The following LHFPL2 variants were observed in gnomAD, a reference collection of about 807,000 sequenced individuals.
LHFPL2 encodes the protein LHFPL tetraspan subfamily member 2.
In LHFPL2, 7 loss-of-function variants were observed where a neutral mutation model predicts 17.5. The ratio of observed to expected loss-of-function variants is 0.40; its 90% confidence interval spans 0.23 to 0.75. The LOEUF (loss-of-function observed/expected upper bound fraction) is 0.75, where lower values mean the gene tolerates loss of function less well. Among genes scored for constraint, LHFPL2 ranks in the 30% least tolerant of loss-of-function variants. The pLI is 0.37. For synonymous variants in LHFPL2, 134 were observed against 116.2 expected (o/e 1.15, Z -0.99); for missense variants, 241 against 294.8 (o/e 0.82, Z 1.34).
intron 4 of LHFPL2, among the ~76,000 whole-genome samples, chr5:78,501,348 G>C (rs1179164095): frequency 6.6e-6 from 1 of 152,152 alleles, no homozygotes; most frequent in Non-Finnish European, 1.5e-5. Flanking sequence ...CCTTGATTTT[G>C]CCGTGAAATG....
At chr5:78,570,910 T>C (rs1460425675) in intron 2 of LHFPL2, among the ~76,000 whole-genome samples, 1 of 150,968 alleles carries the variant, frequency 6.6e-6, no homozygotes, top group Non-Finnish European at 1.5e-5. Flanking sequence ...TTCTTAGTGG[T>C]CTGCATTCCA....
chr5:78,556,863 G>C (rs1235908904), intron 3 of LHFPL2, among the ~76,000 whole-genome samples: 1 of 152,172 alleles, frequency 6.6e-6, no homozygotes, highest in East Asian at 1.9e-4. Flanking sequence ...ACCCCTAAGG[G>C]AACTGATTTT....
At chr5:78,633,849 T>C (rs1745334616) in intron 1 of LHFPL2, among the ~76,000 whole-genome samples, 1 of 152,122 alleles carries the variant, frequency 6.6e-6, no homozygotes, top group African/African-American at 2.4e-5. Flanking sequence ...AGAGAATGCA[T>C]GCTTCTCCTT....
chr5:78,646,229 C>T (rs1432641117), intron 1 of LHFPL2, among the ~76,000 whole-genome samples: 1 of 152,220 alleles, frequency 6.6e-6, no homozygotes, highest in Non-Finnish European at 1.5e-5. Context: ...AAGGATGCAG[C>T]TTGCAAGTTC....
chr5:78,616,094 A>C (rs1744590898), intron 2 of LHFPL2, among the ~76,000 whole-genome samples: 1 of 148,842 alleles, frequency 6.7e-6, no homozygotes, highest in South Asian at 2.2e-4. Flanking sequence ...TTGGCAATCC[A>C]ACCTCTTTTC....
rs370809060 is a variant in LHFPL2, at chr5:78,490,746, C to CAAAAAAAAAAAAAA, written c.431-1607_431-1594dup. Among the ~76,000 whole-genome samples, 42 of 92,124 alleles carry CAAAAAAAAAAAAAA rather than the reference C, an allele frequency of 4.6e-4. 1 individual carries two copies. The highest frequency in any genetic ancestry group is 1.7e-3 in the African/African-American group (35 of 20,598). The allele number at this position is 92,124 out of a possible 152,430, so 60.4% of individuals were successfully genotyped here. A position where few individuals can be genotyped will look rare whatever the true frequency, so the allele number is the denominator to read the frequency against. On this transcript the variant is annotated intron_variant, in intron 4 of 4. Coordinates refer to ENST00000380345, the MANE Select transcript of LHFPL2 (RefSeq NM_005779.3). ...CTGGCAAAAGAGTGAGACTCCCTCT[C>CAAAAAAAAAAAAAA]AAAAAAAAAAAAAAAAAAGCAAGAT...
At chr5:78,590,229 C>CAACAAAT (rs1743580215) in intron 2 of LHFPL2, 1 of 107,968 alleles carries the variant, frequency 9.3e-6, no homozygotes, top group Non-Finnish European at 2.2e-5. Context: ...CAACAACAAA[C>CAACAAAT]GGGCAACAGT....
intron 2 of LHFPL2, among the ~76,000 whole-genome samples, chr5:78,580,918 ATC>A (rs1243616617): frequency 1.3e-5 from 2 of 152,154 alleles, no homozygotes; most frequent in Non-Finnish European, 2.9e-5. Context: ...ATGGCATTGA[ATC>A]TACAAATTAC....
intron 1 of LHFPL2, among the ~76,000 whole-genome samples, chr5:78,645,393 C>T (rs1214163093): frequency 6.6e-6 from 1 of 151,910 alleles, no homozygotes; most frequent in African/African-American, 2.4e-5. Context: ...AATGAAGGAA[C>T]AAACAGGCAC....
intron 3 of LHFPL2, among the ~76,000 whole-genome samples, chr5:78,544,011 G>C (rs1756192472): frequency 6.6e-6 from 1 of 152,164 alleles, no homozygotes; most frequent in Non-Finnish European, 1.5e-5. Context: ...GGGCAGGCTG[G>C]CAAGCACTCT....
chr5:78,555,433 A>G (rs2112400263), intron 3 of LHFPL2, among the ~76,000 whole-genome samples: 1 of 152,364 alleles, frequency 6.6e-6, no homozygotes, highest in South Asian at 2.1e-4. Flanking sequence ...GAAAACAGAC[A>G]TTCACTCATT....
chr5:78,608,562 C>A lies in LHFPL2; in HGVS notation c.-245+23702G>T, dbSNP rs1483691043. 2.7e-5 allele frequency among the ~76,000 whole-genome samples: 4 copies of A among 150,406 alleles called. No individual in the cohort carries two copies. In the East Asian group the frequency reaches 7.7e-4, roughly 29 times the overall value. On this transcript the variant is annotated intron_variant, in intron 2 of 4. Transcript: ENST00000380345. ...TCAACATTCATCATTAAACTTCTCC[C>A]TAATTAGCGATCTAAATTCTATTTG...
Position 78,575,441 on chromosome 5 carries a change from C to A in LHFPL2, c.-244-10570G>T, listed in dbSNP as rs545025063. Among the ~76,000 whole-genome samples, 170 of 151,956 alleles carry A rather than the reference C, an allele frequency of 1.1e-3. 2 individuals are homozygous for A. The highest frequency in any genetic ancestry group is 4.0e-3 in the African/African-American group (165 of 41,434). ...GCACGCACCTGTAGTCCCAGCTACT[C>A]GGGAGGCTGAGGCAGGAGAATCACT... On this transcript the variant is annotated intron_variant, in intron 2 of 4. Transcript: ENST00000380345.
chr5:78,596,125 T>C (rs898299641), intron 2 of LHFPL2, among the ~76,000 whole-genome samples: 1 of 152,224 alleles, frequency 6.6e-6, no homozygotes, highest in African/African-American at 2.4e-5. Flanking sequence ...TAATAAATTA[T>C]AAGCAACCCT....
rs76551906 is a variant in LHFPL2, at chr5:78,578,881, T to C, written c.-244-14010A>G. Among the ~76,000 whole-genome samples, 1,415 of 152,292 alleles carry C rather than the reference T, an allele frequency of 9.3e-3. 28 individuals carry two copies. The highest frequency in any genetic ancestry group is 0.032 in the African/African-American group (1,326 of 41,556). ...GTAACAAAGTACAATGGCCACGTGATCTATCAGCAACGTAGGTGAGCAATG... is the reference window on the plus strand; with the variant it reads ...GTAACAAAGTACAATGGCCACGTGACCTATCAGCAACGTAGGTGAGCAATG... On this transcript the variant is annotated intron_variant, in intron 2 of 4. Transcript: ENST00000380345.
chr5:78,617,036 C>CT (rs1048513492), intron 2 of LHFPL2, among the ~76,000 whole-genome samples: 16 of 147,564 alleles, frequency 1.1e-4, no homozygotes, highest in Admixed American at 2.0e-4. Flanking sequence ...TTTTTTTTTT[C>CT]TTTTTTTTTG....
chr5:78,488,885 G>T lies in LHFPL2; in HGVS notation c.*12C>A, dbSNP rs773218758. On this transcript the variant is annotated 3_prime_UTR_variant, in exon 5 of 5. Transcript: ENST00000380345. ...ATTACTCAAGGGAGAAAATGGCATT[G>T]TCTCTTCCAAACTAAAGGAGGCAGA... The T allele has an allele frequency of 2.5e-6, 4 of 1,612,558 alleles. No individual in the cohort carries two copies. Among genetic ancestry groups the T allele is most frequent in the Non-Finnish European group, 3.4e-6 (4 of 1,179,078 alleles).
chr5:78,503,428 T>C (rs552631430), intron 4 of LHFPL2, among the ~76,000 whole-genome samples: 1 of 152,298 alleles, frequency 6.6e-6, no homozygotes, highest in South Asian at 2.1e-4. Context: ...CCAGGTGCGG[T>C]GGCTCTGCCT....
At chr5:78,621,905 T>C (rs1460434938) in intron 2 of LHFPL2, among the ~76,000 whole-genome samples, 1 of 152,166 alleles carries the variant, frequency 6.6e-6, no homozygotes, top group African/African-American at 2.4e-5. Context: ...GGAAGTAGAA[T>C]CTAACTGCCC....
Sources: allele counts gnomAD v4.1 joint callset (sites outside exome capture counted in the v4.1 genomes callset), GRCh38; gene constraint gnomAD v4.1.1; transcripts MANE v1.5; gene names NCBI Gene and HGNC (gene_info 2026-07-23, HGNC 2026-07-21).